The following HAUS6 variants were observed in gnomAD, a reference collection of about 807,000 sequenced individuals.
The protein encoded by HAUS6 is HAUS augmin-like complex subunit 6.
A neutral mutation model predicts 106.8 loss-of-function variants in HAUS6; 80 were observed. The ratio of observed to expected loss-of-function variants is 0.75; its 90% CI spans 0.63 to 0.90. HAUS6 has a LOEUF of 0.90. HAUS6 is among the 40% of genes least tolerant of loss of function. HAUS6 has a pLI of 0.00. For missense variants in HAUS6, 1,155 were observed against 1,118.1 expected (o/e 1.03, Z -0.47); for synonymous variants, 356 against 379.1 (o/e 0.94, Z 0.71).
At chr9:19,096,126 A>G (rs1276872794) in intron 2 of HAUS6, among the ~76,000 whole-genome samples, 1 of 152,212 alleles carries the variant, frequency 6.6e-6, no homozygotes, top group Non-Finnish European at 1.5e-5. Context: ...TAAAAACTAT[A>G]TTACTTATAA....
Position 19,053,967 on chromosome 9 carries a change from A to G in HAUS6, c.*2376T>C, listed in dbSNP as rs1836415074. On this transcript the variant is annotated 3_prime_UTR_variant, in exon 17 of 17. Coordinates refer to ENST00000380502, the MANE Select transcript of HAUS6 (RefSeq NM_017645.5). ...TGCAACCATAAAAAATATATAATAA[A>G]ATCAATTCGTGGGATATTAAATGAA... 1.3e-5 allele frequency: 2 copies of G among 152,124 alleles called. No homozygotes were observed. Among genetic ancestry groups the G allele is most frequent in the African/African-American group, 4.8e-5 (2 of 41,420 alleles). 9.4% of individuals were successfully genotyped at this position (152,124 alleles called of 1,614,324 possible).
At position 19,102,538 on chromosome 9, in the gene HAUS6, G is replaced by A; in HGVS notation, c.114C>T (p.His38=). 1 of 1,613,712 alleles carries A rather than the reference G, an allele frequency of 6.2e-7. No individual in the cohort carries two copies. Among genetic ancestry groups the A allele is most frequent in the Non-Finnish European group, 8.5e-7 (1 of 1,179,804 alleles). ...ATIACGKIVS[H]THLGVNMFDK... is the part of the protein sequence containing the mutation. ...GGCCTCCTTACACTCCGAGGTGCGT[G>A]TGCGACACGATCTTTCCGCAGGCAA... The change falls in exon 1 of 17, where the codon CAC becomes CAT. Residue 38 remains histidine (H), a synonymous_variant. Transcript: ENST00000380502.
At chr9:19,062,133 G>C (rs544417671) in intron 14 of HAUS6, among the ~76,000 whole-genome samples, 1 of 152,326 alleles carries the variant, frequency 6.6e-6, no homozygotes, top group African/African-American at 2.4e-5. Context: ...TGGTAGTATT[G>C]TGTGGTCACT....
At chr9:19,064,696 T>A (rs533108529) in intron 12 of HAUS6, among the ~76,000 whole-genome samples, 1 of 152,224 alleles carries the variant, frequency 6.6e-6, no homozygotes, top group Non-Finnish European at 1.5e-5. Context: ...ATATTTTATA[T>A]CATAGTAAAT....
At chr9:19,057,230 C>T (rs1836493993) in intron 16 of HAUS6, 1 of 152,278 alleles carries the variant, frequency 6.6e-6, no homozygotes, top group Admixed American at 6.5e-5. Context: ...AAGATGAGGT[C>T]ATACTGGAGT....
chr9:19,097,516 C>G (rs1206185666), intron 1 of HAUS6, among the ~76,000 whole-genome samples: 2 of 152,046 alleles, frequency 1.3e-5, no homozygotes, highest in Non-Finnish European at 2.9e-5. Context: ...TCATCACTGG[C>G]CATCAGAGAA....
At chr9:19,096,845 A>C (rs1817875771) in intron 1 of HAUS6, 76 bp from the exon 2 acceptor site, 2 of 635,964 alleles carry the variant, frequency 3.1e-6, no homozygotes, top group Non-Finnish European at 5.4e-6. Flanking sequence ...GCTGAGTAAG[A>C]CTTTGACACA....
chr9:19,084,846 G>A (rs1204340802), intron 7 of HAUS6, among the ~76,000 whole-genome samples: 3 of 151,904 alleles, frequency 2.0e-5, no homozygotes, highest in Admixed American at 2.0e-4. Flanking sequence ...TGGCCAGGCT[G>A]GCCTCAAACT....
chr9:19,065,774 G>A (rs909264546), intron 12 of HAUS6, among the ~76,000 whole-genome samples: 3 of 152,026 alleles, frequency 2.0e-5, no homozygotes, highest in Non-Finnish European at 4.4e-5. Flanking sequence ...CCAGGAGGCA[G>A]CAGTTGCAGT....
At chr9:19,060,062 A>G in intron 15 of HAUS6, 26 bp downstream of exon 15, 5 of 1,577,290 alleles carry the variant, frequency 3.2e-6, no homozygotes, top group South Asian at 1.1e-5. Flanking sequence ...GAAAGAAAAA[A>G]GTAACAGAAA....
At position 19,058,818 on chromosome 9, in the gene HAUS6, T is replaced by A; in HGVS notation, c.1949A>T (p.Gln650Leu). Residue 650 changes from glutamine (Q) to leucine (L), a missense_variant, in exon 16 of 17, where the codon CAG (glutamine) becomes CTG (leucine). By Grantham distance (113) the Gln-to-Leu change is moderately radical. Transcript: ENST00000380502. ...LLETTVSDFGQSHLTEEKVIS... is the reference protein window; with the variant it reads ...LLETTVSDFGLSHLTEEKVIS... ...AACTTTCTCTTCAGTCAAATGAGAC[T>A]GGCCAAAATCTGATACAGTGGTTTC... 6.2e-7 allele frequency: 1 copy of A among 1,614,210 alleles called. No homozygotes were observed. The highest frequency in any genetic ancestry group is 8.5e-7 in the Non-Finnish European group (1 of 1,180,024).
chr9:19,085,887 T>G (rs1281521967), intron 7 of HAUS6, among the ~76,000 whole-genome samples: 1 of 152,142 alleles, frequency 6.6e-6, no homozygotes, highest in African/African-American at 2.4e-5. Context: ...TAAAAACCCT[T>G]TTGAATATAA....
rs148142492 is a variant in HAUS6 at position 19,080,161 on chromosome 9, C to T, written c.1064+318G>A. ...TGCACTCTAGCCTGGGCAACGAGAGCGAAACTCCGTCTCAAAAAAAAAAAA... is the reference window on the plus strand; with the variant it reads ...TGCACTCTAGCCTGGGCAACGAGAGTGAAACTCCGTCTCAAAAAAAAAAAA... On this transcript the variant is annotated intron_variant, in intron 9 of 16. Coordinates refer to ENST00000380502, the MANE Select transcript of HAUS6 (RefSeq NM_017645.5). Among the ~76,000 whole-genome samples, 348 of 107,414 alleles carry T rather than the reference C, an allele frequency of 3.2e-3. 2 individuals carry two copies. Among genetic ancestry groups the T allele is most frequent in the African/African-American group, 0.014 (333 of 23,178 alleles). 70.5% of individuals were successfully genotyped at this position (107,414 alleles called of 152,430 possible). A position where few individuals can be genotyped will look rare whatever the true frequency, so the allele number is the denominator to read the frequency against.
intron 1 of HAUS6, 125 bp from the exon 2 acceptor site, chr9:19,096,894 T>C: frequency 2.1e-6 from 1 of 478,528 alleles, no homozygotes. Flanking sequence ...TCAAGGCAAA[T>C]TAATTTTTCT....
chr9:19,064,341 A>G (rs1219517026), intron 12 of HAUS6, among the ~76,000 whole-genome samples: 1 of 152,180 alleles, frequency 6.6e-6, no homozygotes, highest in African/African-American at 2.4e-5. Flanking sequence ...ATTTTACTCT[A>G]TAGCAAACAT....
intron 12 of HAUS6, among the ~76,000 whole-genome samples, chr9:19,064,462 T>C (rs1050411316): frequency 6.6e-6 from 1 of 152,232 alleles, no homozygotes; most frequent in African/African-American, 2.4e-5. Context: ...TTAAAATTTA[T>C]GCAGCTTTTC....
chr9:19,058,481 T>C lies in HAUS6; in HGVS notation c.2286A>G (p.Gly762=), dbSNP rs1399863337. The change falls in exon 16 of 17, where the codon GGA becomes GGG. Residue 762 remains glycine (G), a synonymous_variant. Transcript: ENST00000380502. The part of the protein sequence containing the change: ...MLWNSFQISS[G]ISSKSFKDND... ...TATCTTTAAAACTCTTAGAACTAAT[T>C]CCACTTGATATCTGAAAAGAATTCC... 1 of 1,589,364 alleles carries C rather than the reference T, an allele frequency of 6.3e-7. No individual in the cohort carries two copies. Among genetic ancestry groups the C allele is most frequent in the Non-Finnish European group, 8.6e-7 (1 of 1,164,534 alleles).
At chr9:19,096,382 G>T (rs201334424) in intron 2 of HAUS6, among the ~76,000 whole-genome samples, 1 of 151,898 alleles carries the variant, frequency 6.6e-6, no homozygotes, top group Non-Finnish European at 1.5e-5. Flanking sequence ...CTGACCAACA[G>T]GGTGAAACCC....
Position 19,058,998 on chromosome 9 carries a change from G to C in HAUS6, c.1769C>G (p.Thr590Ser), listed in dbSNP as rs1230900798. ...TTTTCTCCATGAGCTCCTAATTTCAGTTACTAATTAAAGGGGAGAAAAACA... is the reference window on the plus strand; with the variant it reads ...TTTTCTCCATGAGCTCCTAATTTCACTTACTAATTAAAGGGGAGAAAAACA... ...QIPRTPENLI[T>S]EIRSSWRKAI... is the part of the protein sequence containing the mutation. Residue 590 changes from threonine to serine, a missense_variant, in exon 16 of 17, where the codon ACT becomes AGT. By Grantham distance (58) the Thr-to-Ser change is moderately conservative. Around this residue, in one of 3 missense-constraint regions of HAUS6, gnomAD observed 761 missense variants for 690.0 expected, o/e 1.10. Transcript: ENST00000380502. 1 of 1,556,792 alleles carries C rather than the reference G, an allele frequency of 6.4e-7. No individual in the cohort carries two copies. Among genetic ancestry groups the C allele is most frequent in the South Asian group, 1.1e-5 (1 of 88,516 alleles).
Sources: allele counts gnomAD v4.1 joint callset (sites outside exome capture counted in the v4.1 genomes callset), GRCh38; gene constraint gnomAD v4.1.1; regional missense constraint gnomAD v4.1.1; transcripts MANE v1.5; gene names NCBI Gene and HGNC (gene_info 2026-07-23, HGNC 2026-07-21).